Variants in ANGEL1 observed in about 807,000 individuals in gnomAD.
ANGEL1 encodes RNA 2',3'-cyclic phosphatase ANGEL1.
A neutral mutation model predicts 76.4 loss-of-function variants in ANGEL1; 62 were observed. The observed-to-expected ratio is 0.81, with a 90% CI of 0.66 to 1.00. ANGEL1 has a LOEUF of 1.00. Among genes scored for constraint, ANGEL1 ranks in the 50% least tolerant of loss-of-function variants. The pLI, the probability that ANGEL1 is intolerant of heterozygous loss-of-function variation, is 0.00. For synonymous variants in ANGEL1, 340 were observed against 331.7 expected (o/e 1.03, Z -0.27); for missense variants, 737 against 836.7 (o/e 0.88, Z 1.47).
intron 5 of ANGEL1, 69 bp from the exon 6 acceptor site, chr14:76,803,981 G>C: frequency 6.2e-7 from 1 of 1,613,604 alleles, no homozygotes; most frequent in Non-Finnish European, 8.5e-7. Flanking sequence ...CCCATGTTTT[G>C]GGACATGTGG....
rs375438066 is a variant in ANGEL1, at chr14:76,809,081, G to A, written c.627C>T (p.Pro209=). The change falls in exon 2 of 10, where the codon CCC becomes CCT. Residue 209 remains proline, a synonymous_variant. Coordinates refer to ENST00000251089, the MANE Select transcript of ANGEL1 (RefSeq NM_015305.4). The part of the protein sequence containing the change: ...PFEGLGQLQP[P]AVEIPYHEIL... ...CACCATGATATGGTATTTCCACTGC[G>A]GGAGGCTGCAACTGCCCCAGGCCCT... is the stretch of plus-strand genomic sequence containing the variant. 163 of 1,612,966 alleles carry A rather than the reference G, an allele frequency of 1.0e-4. No homozygotes were observed. Among genetic ancestry groups the A allele is most frequent in the Middle Eastern group, 1.6e-4 (1 of 6,080 alleles).
rs144966408 is a variant in ANGEL1, at chr14:76,790,738, C to A, written c.1725G>T (p.Thr575=). 4.2e-5 allele frequency: 68 copies of A among 1,613,946 alleles called. No homozygotes were observed. The highest frequency in any genetic ancestry group is 5.6e-5 in the Non-Finnish European group (66 of 1,179,994). Residue 575 remains threonine, a synonymous_variant, in exon 9 of 10, where the codon ACG becomes ACT. Coordinates refer to ENST00000251089, the MANE Select transcript of ANGEL1 (RefSeq NM_015305.4). ...VGTIQHCLHL[T]SVYTHFLPQR... ...GGGGCAGGAAGTGGGTATATACTGA[C>A]GTCAGGTGGAGGCAGTGCTGGATGG...
chr14:76,789,405 A>G lies in ANGEL1; in HGVS notation c.1853-17T>C. 6.2e-7 allele frequency: 1 copy of G among 1,613,808 alleles called. No individual in the cohort carries two copies. The highest frequency in any genetic ancestry group is 8.5e-7 in the Non-Finnish European group (1 of 1,179,818). ...GCCTGTGATCTGGGGCACAAAGCAG[A>G]AGCCAATGGGTAAAAGCAGCCGCAG... On this transcript the variant is annotated splice_polypyrimidine_tract_variant and intron_variant, in intron 9 of 9. Transcript: ENST00000251089.
At chr14:76,798,020 A>G (rs1894634959) in intron 7 of ANGEL1, among the ~76,000 whole-genome samples, 1 of 152,142 alleles carries the variant, frequency 6.6e-6, no homozygotes, top group Admixed American at 6.5e-5. Flanking sequence ...TAGTGCTCTT[A>G]TAAAAGATGC....
At position 76,801,563 on chromosome 14, in the gene ANGEL1, A is replaced by G. The variant is rs995197713; in HGVS notation, c.1618+1808T>C. Among the ~76,000 whole-genome samples, 13 of 152,258 alleles carry G rather than the reference A, an allele frequency of 8.5e-5. No individual in the cohort carries two copies. The East Asian group carries it at 1.9e-3, about 23-fold the overall frequency. On this transcript the variant is annotated intron_variant, in intron 7 of 9. Coordinates refer to ENST00000251089, the MANE Select transcript of ANGEL1 (RefSeq NM_015305.4). ...TCTTCTTTGGGAACTCCAATTATGT[A>G]TAAGTTAAATCTCCTTTATCTTTCA...
In ANGEL1 at chr14:76,788,406, C is replaced by T. The variant is rs949190977; in HGVS notation, c.*822G>A. On this transcript the variant is annotated 3_prime_UTR_variant, in exon 10 of 10. Transcript: ENST00000251089. ...CCCCACATAAGGGTTCAAACTTCCG[C>T]CTCCCTCAGGGAAGCCTGGGGAAAG... 1.1e-4 allele frequency: 16 copies of T among 152,336 alleles called. No individual in the cohort carries two copies. The highest frequency in any genetic ancestry group is 1.0e-3 in the Admixed American group (16 of 15,286). The allele number at this position is 152,336 out of a possible 1,614,324, so 9.4% of individuals were successfully genotyped here.
At chr14:76,808,213 A>T in intron 2 of ANGEL1, 65 bp from the exon 3 acceptor site, 1 of 1,358,532 alleles carries the variant, frequency 7.4e-7, no homozygotes, top group Non-Finnish European at 1.0e-6. Flanking sequence ...TGCCATCTCC[A>T]CTCCTGACTC....
intron 7 of ANGEL1, 138 bp downstream of exon 7, chr14:76,803,233 C>A (rs1395745757): frequency 2.8e-6 from 2 of 708,924 alleles, no homozygotes; most frequent in African/African-American, 1.8e-5. Context: ...ACTCAACTAA[C>A]CTTCCTTCTA....
intron 8 of ANGEL1, 129 bp downstream of exon 8, chr14:76,791,168 G>T (rs1333777148): frequency 2.9e-6 from 3 of 1,018,370 alleles, no homozygotes; most frequent in Non-Finnish European, 4.6e-6. Flanking sequence ...AAGTTTAGCA[G>T]ATATTAGGGG....
rs1487901095 is a variant in ANGEL1 at position 76,789,013 on chromosome 14, A to G, written c.*215T>C. 8.9e-6 allele frequency: 5 copies of G among 564,962 alleles called. No individual in the cohort carries two copies. Among genetic ancestry groups the G allele is most frequent in the Non-Finnish European group, 1.5e-5 (5 of 328,174 alleles). The allele number at this position is 564,962 out of a possible 1,614,324, so 35.0% of individuals were successfully genotyped here. A position where few individuals can be genotyped will look rare whatever the true frequency, so the allele number is the denominator to read the frequency against. On this transcript the variant is annotated 3_prime_UTR_variant, in exon 10 of 10. Coordinates refer to ENST00000251089, the MANE Select transcript of ANGEL1 (RefSeq NM_015305.4). ...CCCAGGGCCACTGAGTGTGTGGCAC[A>G]GGATTAGGAAGAGGCTGGGGTGGGG...
At chr14:76,796,570 AT>A (rs1894584805) in intron 7 of ANGEL1, among the ~76,000 whole-genome samples, 1 of 151,804 alleles carries the variant, frequency 6.6e-6, no homozygotes. Flanking sequence ...CTTTTAACTT[AT>A]ATGTTTATTG....
rs925388286 is a variant in ANGEL1, at chr14:76,809,441, G to T, written c.267C>A (p.Ser89Arg). 6.2e-7 allele frequency: 1 copy of T among 1,614,222 alleles called. No individual in the cohort carries two copies. Among genetic ancestry groups the T allele is most frequent in the Non-Finnish European group, 8.5e-7 (1 of 1,180,038 alleles). Residue 89 changes from serine to arginine, a missense_variant, in exon 2 of 10, where the codon AGC (serine) becomes AGA (arginine). Physicochemically the swap from Ser to Arg is moderately radical, Grantham distance 110. Transcript: ENST00000251089. ...GPLIDKGLAQ[S>R]SLALLMDNPG... ...GATTATCCATCAGAAGTGCCAGGCTGCTCTGGGCTAGTCCTTTATCTATAA... is the reference window on the plus strand; with the variant it reads ...GATTATCCATCAGAAGTGCCAGGCTTCTCTGGGCTAGTCCTTTATCTATAA...
intron 1 of ANGEL1, 52 bp downstream of exon 1, chr14:76,812,711 CG>C: frequency 6.8e-7 from 1 of 1,474,254 alleles, no homozygotes; most frequent in Non-Finnish European, 9.0e-7. Flanking sequence ...CGCGGAGCCC[CG>C]CAGAGGCGAG....
At chr14:76,791,455 C>T (rs1206678600) in intron 7 of ANGEL1, 89 bp from the exon 8 acceptor site, 2 of 1,239,358 alleles carry the variant, frequency 1.6e-6, no homozygotes, top group African/African-American at 3.0e-5. Context: ...CTCTCAGATC[C>T]TTGACTGGAT....
Position 76,787,531 on chromosome 14 carries a change from G to C in ANGEL1, c.*1697C>G, listed in dbSNP as rs935431685. On this transcript the variant is annotated 3_prime_UTR_variant, in exon 10 of 10. Transcript: ENST00000251089. The stretch of plus-strand genomic sequence containing the variant: ...GGGGTGTAGACAGACCTGGGGCTCA[G>C]ACAGGCACATGCCCAGTACCCAGGA... The C allele has an allele frequency of 6.6e-6, 1 of 152,658 alleles. No individual in the cohort carries two copies. The highest frequency in any genetic ancestry group is 1.5e-5 in the Non-Finnish European group (1 of 68,074). 9.5% of individuals were successfully genotyped at this position (152,658 alleles called of 1,614,324 possible). A position where few individuals can be genotyped will look rare whatever the true frequency, so the allele number is the denominator to read the frequency against.
chr14:76,801,090 C>G (rs1894749376), intron 7 of ANGEL1, among the ~76,000 whole-genome samples: 1 of 150,546 alleles, frequency 6.6e-6, no homozygotes, highest in Middle Eastern at 3.5e-3. Flanking sequence ...ACTGGAATGT[C>G]TTAGTATTAA....
intron 7 of ANGEL1, among the ~76,000 whole-genome samples, chr14:76,799,497 G>A (rs1218058991): frequency 6.6e-6 from 1 of 151,776 alleles, no homozygotes; most frequent in Non-Finnish European, 1.5e-5. Context: ...GTTTCACCAT[G>A]TTAGCCAAGA....
intron 1 of ANGEL1, 22 bp downstream of exon 1, chr14:76,812,742 T>C (rs1311438087): frequency 8.0e-6 from 12 of 1,507,046 alleles, no homozygotes; most frequent in Non-Finnish European, 9.7e-6. Flanking sequence ...GGCTCCTGTC[T>C]GTCGGTACGC....
In ANGEL1 at chr14:76,806,721, G is replaced by T. The variant is rs1372782047; in HGVS notation, c.1075C>A (p.Leu359Ile). The T allele has an allele frequency of 6.2e-7, 1 of 1,614,096 alleles. No individual in the cohort carries two copies. Among genetic ancestry groups the T allele is most frequent in the Non-Finnish European group, 8.5e-7 (1 of 1,180,024 alleles). ...ACTAAGCCCACATTATCCCGATTAA[G>T]TAGCTCCAAGCCAGGCCGGAAGTAC... The part of the protein sequence containing the change: ...VEYFRPGLEL[L>I]NRDNVGLVLL... The change falls in exon 5 of 10, where the codon CTT (leucine) becomes ATT (isoleucine). Residue 359 changes from leucine to isoleucine, a missense_variant. This residue lies in a region of ANGEL1 where 441 missense variants were observed against 449.5 expected (regional missense o/e 0.98). Coordinates refer to ENST00000251089, the MANE Select transcript of ANGEL1 (RefSeq NM_015305.4).
Sources: gnomAD v4.1 joint callset for allele counts (sites outside exome capture counted in the v4.1 genomes callset) on GRCh38, gnomAD v4.1.1 for gene constraint, gnomAD v4.1.1 regional missense constraint, MANE v1.5 for transcripts, NCBI Gene and HGNC (gene_info 2026-07-23, HGNC 2026-07-21) for gene names.